TEX2: variants seen among roughly 807,000 people sequenced by gnomAD.
The protein encoded by TEX2 is testis expressed 2.
TEX2 carries 53 observed loss-of-function variants against 106.9 expected under a neutral mutation model. That is an observed-to-expected ratio of 0.50 (90% confidence interval 0.40 to 0.62). The LOEUF is 0.62. Ranked by LOEUF, TEX2 falls within the 20% of genes least tolerant of loss-of-function variation. The probability of loss-of-function intolerance (pLI) is 0.00; values close to 1 mark genes in which losing one functional copy is unlikely to be tolerated. For synonymous variants in TEX2, 523 were observed against 534.8 expected, an observed-to-expected ratio of 0.98 and a Z score of 0.30; for missense variants, 1,207 against 1,379.0, an observed-to-expected ratio of 0.88 and a Z score of 1.98.
chr17:64,163,991 T>C (rs1427989567), intron 7 of TEX2, among the ~76,000 whole-genome samples: 3 of 152,178 alleles, frequency 2.0e-5, no homozygotes, highest in Non-Finnish European at 4.4e-5. Context: ...GGGATAATCT[T>C]TGATGCCTTT....
chr17:64,237,643 C>T (rs1268687706), intron 1 of TEX2, among the ~76,000 whole-genome samples: 2 of 152,030 alleles, frequency 1.3e-5, no homozygotes, highest in East Asian at 3.9e-4. Context: ...TGATGGGTTG[C>T]ATATGGGAGT....
At chr17:64,203,707 T>G (rs2032742107) in intron 2 of TEX2, among the ~76,000 whole-genome samples, 3 of 151,874 alleles carry the variant, frequency 2.0e-5, no homozygotes, top group African/African-American at 7.3e-5. Flanking sequence ...GAGTCAACAT[T>G]CAAAATAAAT....
At chr17:64,168,823 GT>G (rs1158805866) in intron 7 of TEX2, among the ~76,000 whole-genome samples, 2 of 151,840 alleles carry the variant, frequency 1.3e-5, no homozygotes, top group Non-Finnish European at 2.9e-5. Context: ...GGCCACCTGA[GT>G]TAGAGGAAGA....
intron 2 of TEX2, among the ~76,000 whole-genome samples, chr17:64,208,976 C>T (rs782090001): frequency 6.6e-6 from 1 of 152,252 alleles, no homozygotes; most frequent in South Asian, 2.1e-4. Context: ...AGGGTCAATA[C>T]CAACTCACTG....
intron 6 of TEX2, among the ~76,000 whole-genome samples, chr17:64,173,738 T>C (rs16947533): frequency 0.037 from 5,578 of 152,326 alleles, 345 homozygotes; most frequent in African/African-American, 0.13. Context: ...ACAATTGCCC[T>C]GTCCTTTTTG....
chr17:64,202,492 T>C (rs1251741367), intron 2 of TEX2, among the ~76,000 whole-genome samples: 2 of 152,122 alleles, frequency 1.3e-5, no homozygotes, highest in East Asian at 1.9e-4. Flanking sequence ...AATCAGCCAT[T>C]TCCCCCCACC....
chr17:64,152,881 C>A, intron 10 of TEX2, 64 bp downstream of exon 10: 1 of 1,526,564 alleles, frequency 6.6e-7, no homozygotes, highest in Non-Finnish European at 8.9e-7. Context: ...GTTAAGCAGG[C>A]TGGGATTTCT....
chr17:64,166,226 C>T (rs576364588), intron 7 of TEX2, among the ~76,000 whole-genome samples: 4 of 152,322 alleles, frequency 2.6e-5, no homozygotes, highest in South Asian at 2.1e-4. Flanking sequence ...ATGCTTACTA[C>T]GTGCCACGTG....
rs2033209458 is a variant in TEX2 at position 64,217,112 on chromosome 17, A to G, written c.-25-2870T>C. Among the ~76,000 whole-genome samples, 1 of 152,192 alleles carries G rather than the reference A, an allele frequency of 6.6e-6. No homozygotes were observed. Among genetic ancestry groups the G allele is most frequent in the African/African-American group, 2.4e-5 (1 of 41,454 alleles). On this transcript the variant is annotated intron_variant, in intron 1 of 11. Transcript: ENST00000584379. The surrounding 1 kb of genome is among the most constrained non-coding windows in gnomAD (Gnocchi z 4.3). ...GTTTGCTCATCTGCAAAATGAGGGG[A>G]TTAGGCTAGATAAACAAAGGCTGCT...
chr17:64,262,985 CG>C (rs1480477875), intron 1 of TEX2, among the ~76,000 whole-genome samples, 182 bp downstream of exon 1: 1 of 152,030 alleles, frequency 6.6e-6, no homozygotes, highest in Non-Finnish European at 1.5e-5. Flanking sequence ...GGGGGTGTCG[CG>C]GGTGGGCGTC....
At chr17:64,196,951 A>G (rs191713985) in intron 2 of TEX2, among the ~76,000 whole-genome samples, 17 of 149,548 alleles carry the variant, frequency 1.1e-4, no homozygotes, top group African/African-American at 4.2e-4. Flanking sequence ...GAGTTGCTAC[A>G]TCACGGAAAT....
At chr17:64,194,759 A>G in intron 3 of TEX2, 136 bp downstream of exon 3, 2 of 723,640 alleles carry the variant, frequency 2.8e-6, no homozygotes, top group Non-Finnish European at 4.6e-6. Context: ...TTAAAGTGTG[A>G]GAGGTACTGT....
At chr17:64,163,647 A>C (rs1043864194) in intron 7 of TEX2, among the ~76,000 whole-genome samples, 1 of 152,206 alleles carries the variant, frequency 6.6e-6, no homozygotes, top group Non-Finnish European at 1.5e-5. Context: ...CAAAACTTGG[A>C]GCAAAGACCA....
intron 1 of TEX2, among the ~76,000 whole-genome samples, chr17:64,222,240 G>T (rs1408038611): frequency 6.6e-6 from 1 of 152,140 alleles, no homozygotes; most frequent in Non-Finnish European, 1.5e-5. Context: ...GCAAAAATTG[G>T]TCAGGCGCGG....
At chr17:64,174,386 C>G (rs1415571537) in intron 6 of TEX2, among the ~76,000 whole-genome samples, 1 of 151,948 alleles carries the variant, frequency 6.6e-6, no homozygotes, top group Non-Finnish European at 1.5e-5. Flanking sequence ...TACTAGTAAG[C>G]AGAATGGGGA....
chr17:64,149,312 G>T, intron 11 of TEX2: 1 of 504,516 alleles, frequency 2.0e-6, no homozygotes, highest in East Asian at 3.6e-5. Context: ...TCAGCTCGGA[G>T]GCAGAAGTGG....
chr17:64,227,224 C>CAAA (rs35266239), intron 1 of TEX2, among the ~76,000 whole-genome samples: 5 of 125,104 alleles, frequency 4.0e-5, no homozygotes, highest in East Asian at 2.2e-4. Context: ...GACTCCGTAT[C>CAAA]AAAAAAAAAA....
At position 64,195,321 on chromosome 17, in the gene TEX2, G is replaced by A. The variant is rs562463059; in HGVS notation, c.1645-226C>T. ...AAAATCTGGATTTGGAGGAAAAATGGCAATGTTCATTATCCTAAATAAAAG... is the reference window on the plus strand; with the variant it reads ...AAAATCTGGATTTGGAGGAAAAATGACAATGTTCATTATCCTAAATAAAAG... On this transcript the variant is annotated intron_variant, in intron 2 of 11. Transcript: ENST00000584379. This position sits in a 1 kb window ranked among gnomAD's most constrained non-coding sequence, Gnocchi z 4.1. Among the ~76,000 whole-genome samples, 1 of 152,250 alleles carries A rather than the reference G, an allele frequency of 6.6e-6. No homozygotes were observed. Among genetic ancestry groups the A allele is most frequent in the East Asian group, 1.9e-4 (1 of 5,178 alleles).
chr17:64,243,901 C>T (rs917362127), intron 1 of TEX2, among the ~76,000 whole-genome samples: 4 of 150,822 alleles, frequency 2.7e-5, no homozygotes, highest in Non-Finnish European at 4.4e-5. Context: ...CTCCACCTCC[C>T]GGGTTCAAGC....
Sources: allele counts gnomAD v4.1 joint callset (sites outside exome capture counted in the v4.1 genomes callset), GRCh38; gene constraint gnomAD v4.1.1; non-coding constraint Gnocchi (gnomAD v3.1); transcripts MANE v1.5; gene names NCBI Gene and HGNC (gene_info 2026-07-23, HGNC 2026-07-21).